SOX5: variants seen among roughly 807,000 people sequenced by gnomAD.
SOX5 encodes the protein transcription factor SOX-5.
SOX5 carries 9 observed loss-of-function variants against 92.0 expected under a neutral mutation model. The observed-to-expected ratio is 0.10, with a 90% CI of 0.06 to 0.17. SOX5 has a LOEUF of 0.17. Ranked by LOEUF, SOX5 falls within the 10% of genes least tolerant of loss-of-function variation. The pLI, the probability that SOX5 is intolerant of heterozygous loss-of-function variation, is 1.00. For missense variants in SOX5, 642 were observed against 944.5 expected (o/e 0.68, Z 4.20); for synonymous variants, 344 against 336.3 (o/e 1.02, Z -0.25).
chr12:24,187,628 AGGACAATTATTT>A (rs965743444), intron 4 of SOX5, among the ~76,000 whole-genome samples: 1 of 151,998 alleles, frequency 6.6e-6, no homozygotes, highest in Non-Finnish European at 1.5e-5. Context: ...CACTATCTAC[AGGACAATTATTT>A]GGACACTCTT....
intron 11 of SOX5, among the ~76,000 whole-genome samples, chr12:23,546,789 T>C (rs1441051526): frequency 6.6e-6 from 1 of 152,128 alleles, no homozygotes; most frequent in East Asian, 1.9e-4. Context: ...ACAGTAGAAG[T>C]ATAGGAGTGG....
intron 2 of SOX5, among the ~76,000 whole-genome samples, chr12:23,870,592 T>G (rs924706478): frequency 1.3e-5 from 2 of 152,116 alleles, no homozygotes; most frequent in African/African-American, 4.8e-5. Flanking sequence ...ACTTGTATGA[T>G]CCAACACTGC....
At chr12:24,130,432 C>T (rs1222676891) in intron 4 of SOX5, among the ~76,000 whole-genome samples, 1 of 152,188 alleles carries the variant, frequency 6.6e-6, no homozygotes, top group East Asian at 1.9e-4. Context: ...AAATCATGTT[C>T]TGTGTGGATC....
chr12:23,537,943 CG>C (rs913931199), intron 13 of SOX5, among the ~76,000 whole-genome samples: 3 of 70,846 alleles, frequency 4.2e-5, no homozygotes, highest in Non-Finnish European at 1.0e-4. Flanking sequence ...GTAGTAATAG[CG>C]TTTTTTTTTT....
intron 4 of SOX5, among the ~76,000 whole-genome samples, chr12:24,174,259 A>C (rs557242007): frequency 6.6e-6 from 1 of 152,148 alleles, no homozygotes; most frequent in Non-Finnish European, 1.5e-5. Context: ...TTGGCTTCTC[A>C]AAGTGCCGGG....
intron 4 of SOX5, among the ~76,000 whole-genome samples, chr12:24,097,212 A>AT (rs1344129119): frequency 6.6e-6 from 1 of 152,106 alleles, no homozygotes; most frequent in Non-Finnish European, 1.5e-5. Context: ...TCCTTTGTCC[A>AT]TTTTTAAATT....
chr12:24,180,457 C>T (rs1310114377), intron 4 of SOX5, among the ~76,000 whole-genome samples: 1 of 152,182 alleles, frequency 6.6e-6, no homozygotes, highest in Non-Finnish European at 1.5e-5. Flanking sequence ...AAAATAACTA[C>T]TGCAAATAAG....
At chr12:23,950,976 TGCAC>T (rs2139847736), upstream of SOX5, 1 of 767,872 alleles carries the variant, frequency 1.3e-6, no homozygotes, top group Non-Finnish European at 2.1e-6. Context: ...CACACACGCA[TGCAC>T]ACACACACAC....
At chr12:24,356,141 T>C (rs1290524224) in intron 2 of SOX5, among the ~76,000 whole-genome samples, 1 of 152,132 alleles carries the variant, frequency 6.6e-6, no homozygotes, top group East Asian at 1.9e-4. Flanking sequence ...TGAGCAAAAT[T>C]GGATATTACC....
chr12:24,035,659 C>T (rs1955956701), intron 4 of SOX5, among the ~76,000 whole-genome samples: 1 of 152,216 alleles, frequency 6.6e-6, no homozygotes, highest in East Asian at 1.9e-4. Context: ...TTCAACTCCT[C>T]TGGAACTTAA....
intron 11 of SOX5, among the ~76,000 whole-genome samples, chr12:23,554,751 C>G (rs1433378513): frequency 6.6e-6 from 1 of 151,998 alleles, no homozygotes; most frequent in African/African-American, 2.4e-5. Context: ...TCAATGAGAC[C>G]CTTTAAATAA....
At chr12:23,808,405 C>T (rs914000964) in intron 3 of SOX5, among the ~76,000 whole-genome samples, 1 of 152,022 alleles carries the variant, frequency 6.6e-6, no homozygotes, top group Non-Finnish European at 1.5e-5. Context: ...AAAACAAAAT[C>T]CACTGGTAAT....
chr12:24,280,833 T>G (rs1019833713), intron 2 of SOX5, among the ~76,000 whole-genome samples: 1 of 85,414 alleles, frequency 1.2e-5, no homozygotes, highest in Non-Finnish European at 2.6e-5. Context: ...GTATTAAGGT[T>G]TTTTTTTTTA....
chr12:24,005,448 T>A (rs1013286016), intron 4 of SOX5, among the ~76,000 whole-genome samples: 15 of 152,190 alleles, frequency 9.9e-5, no homozygotes, highest in African/African-American at 3.6e-4. Context: ...GCAAGTTGTA[T>A]GCTATCATGT....
rs1214087179 is a variant in SOX5, at chr12:23,977,662, T to A, written c.-1-81638A>T. On this transcript the variant is annotated intron_variant, in intron 4 of 4. Coordinates refer to the SOX5 transcript ENST00000446891. ...GCCTGGTCGAGAGTCTCGTTCTGTC[T>A]CAAAAAAAAAAAAAAAAGTGAAGAT... Among the ~76,000 whole-genome samples, 5 of 50,744 alleles carry A rather than the reference T, an allele frequency of 9.9e-5. No homozygotes were observed. In the South Asian group the frequency reaches 2.6e-3, roughly 27 times the overall value. The allele number at this position is 50,744 out of a possible 152,430, so 33.3% of individuals were successfully genotyped here. A position where few individuals can be genotyped will look rare whatever the true frequency, so the allele number is the denominator to read the frequency against.
At chr12:24,528,043 A>G (rs1305522835) in intron 1 of SOX5, among the ~76,000 whole-genome samples, 2 of 152,260 alleles carry the variant, frequency 1.3e-5, no homozygotes, top group East Asian at 1.9e-4. Flanking sequence ...ACTTCCATAA[A>G]TGCAAGTTTA....
chr12:24,224,637 C>A (rs181678552), intron 3 of SOX5, among the ~76,000 whole-genome samples: 1 of 152,192 alleles, frequency 6.6e-6, no homozygotes, highest in Non-Finnish European at 1.5e-5. Flanking sequence ...CATCAGCCAA[C>A]ATTATCAGGA....
chr12:24,016,214 C>T (rs539870933), intron 4 of SOX5, among the ~76,000 whole-genome samples: 2 of 152,280 alleles, frequency 1.3e-5, no homozygotes, highest in Middle Eastern at 3.4e-3. Context: ...ATCAAGATTA[C>T]AGCACCCTAT....
chr12:23,953,879 G>A (rs772392342), upstream of SOX5, among the ~76,000 whole-genome samples: 2 of 151,976 alleles, frequency 1.3e-5, no homozygotes, highest in African/African-American at 2.4e-5. Flanking sequence ...AAAATGGAAT[G>A]AACATGAAAA....
Sources: allele counts gnomAD v4.1 joint callset (sites outside exome capture counted in the v4.1 genomes callset), GRCh38; gene constraint gnomAD v4.1.1; transcripts MANE v1.5; gene names NCBI Gene and HGNC (gene_info 2026-07-23, HGNC 2026-07-21).